Variants in RPH3AL observed in about 807,000 individuals in gnomAD.
RPH3AL encodes the protein rabphilin 3A like (without C2 domains).
A neutral mutation model predicts 43.1 loss-of-function variants in RPH3AL; 38 were observed. That is an observed-to-expected ratio of 0.88 (90% CI 0.68 to 1.15). RPH3AL has a LOEUF of 1.15. RPH3AL is among the 50% of genes most tolerant of loss of function. The pLI is 0.00. For missense variants in RPH3AL, 462 were observed against 423.2 expected (o/e 1.09, Z -0.81); for synonymous variants, 189 against 176.3 (o/e 1.07, Z -0.57).
chr17:286,001 G>A (rs1221457132), intron 5 of RPH3AL, among the ~76,000 whole-genome samples: 1 of 152,204 alleles, frequency 6.6e-6, no homozygotes, highest in East Asian at 1.9e-4. Context: ...GCCCCACTGT[G>A]CACCCCGGGA....
chr17:317,120 C>G, intron 5 of RPH3AL, among the ~76,000 whole-genome samples: 1 of 146,028 alleles, frequency 6.8e-6, no homozygotes, highest in African/African-American at 2.7e-5. Context: ...TGTGACTCCA[C>G]CTCCACTGAC....
At chr17:233,923 C>A (rs2041294655) in intron 7 of RPH3AL, among the ~76,000 whole-genome samples, 1 of 114,860 alleles carries the variant, frequency 8.7e-6, no homozygotes, top group Non-Finnish European at 1.8e-5. Flanking sequence ...TTACCCTGAC[C>A]AACTTCCCTG....
intron 7 of RPH3AL, among the ~76,000 whole-genome samples, chr17:228,512 G>A (rs981729181): frequency 2.0e-5 from 3 of 152,184 alleles, no homozygotes; most frequent in African/African-American, 4.8e-5. Context: ...TGGAACTCAC[G>A]GGCCCACACC....
At chr17:278,049 T>C (rs2042695383) in intron 6 of RPH3AL, among the ~76,000 whole-genome samples, 1 of 152,124 alleles carries the variant, frequency 6.6e-6, no homozygotes, top group Non-Finnish European at 1.5e-5. Flanking sequence ...ATCGTAACTC[T>C]GATGATACAG....
Position 243,537 on chromosome 17 carries a change from T to C in RPH3AL, c.613+3574A>G, listed in dbSNP as rs868655516. Among the ~76,000 whole-genome samples the C allele has an allele frequency of 1.1e-3, 156 of 138,294 alleles. 1 individual carries two copies. Among genetic ancestry groups the C allele is most frequent in the South Asian group, 2.1e-3 (9 of 4,262 alleles). 90.7% of individuals were successfully genotyped at this position (138,294 alleles called of 152,430 possible). ...TCCTCTATTGATTACCTTTCCTCTA[T>C]TGATTACCTTCCTCTACTGATTGCC... On this transcript the variant is annotated intron_variant, in intron 7 of 9. Transcript: ENST00000331302.
At chr17:335,010 T>C (rs550872931) in intron 1 of RPH3AL, among the ~76,000 whole-genome samples, 5 of 152,330 alleles carry the variant, frequency 3.3e-5, no homozygotes, top group Non-Finnish European at 5.9e-5. Flanking sequence ...TTCACTGATA[T>C]AACTGAGGCT....
Position 245,374 on chromosome 17 carries a change from T to G in RPH3AL, c.613+1737A>C, listed in dbSNP as rs888670138. On this transcript the variant is annotated intron_variant, in intron 7 of 9. Coordinates refer to ENST00000331302, the MANE Select transcript of RPH3AL (RefSeq NM_006987.4). This position sits in a 1 kb window ranked among gnomAD's most constrained non-coding sequence, Gnocchi z 5.9. ...GTATGTGGATGTCAGTGTGTGTGTG[T>G]GGATGTCAGTGTGTGTGTGGATATC... is the stretch of plus-strand genomic sequence containing the variant. Among the ~76,000 whole-genome samples, 1 of 150,256 alleles carries G rather than the reference T, an allele frequency of 6.7e-6. No homozygotes were observed. Among genetic ancestry groups the G allele is most frequent in the South Asian group, 2.2e-4 (1 of 4,536 alleles).
intron 5 of RPH3AL, among the ~76,000 whole-genome samples, chr17:316,280 ATG>A (rs2044174112): frequency 1.7e-5 from 1 of 58,992 alleles, no homozygotes; most frequent in East Asian, 1.1e-3. Flanking sequence ...ATCTCCAGTG[ATG>A]CGTAGTCTCT....
chr17:318,808 CA>C (rs1167106244), intron 5 of RPH3AL, among the ~76,000 whole-genome samples: 1 of 152,188 alleles, frequency 6.6e-6, no homozygotes, highest in African/African-American at 2.4e-5. Flanking sequence ...GATCTCCCTG[CA>C]AAGATCATTC....
chr17:223,935 C>A (rs1211795755), intron 7 of RPH3AL, among the ~76,000 whole-genome samples: 1 of 150,980 alleles, frequency 6.6e-6, no homozygotes, highest in East Asian at 1.9e-4. Context: ...TAGGTTCACC[C>A]CCAGCAGAGA....
At chr17:220,216 T>C (rs1388056456) in intron 7 of RPH3AL, among the ~76,000 whole-genome samples, 126 of 108,280 alleles carry the variant, frequency 1.2e-3, no homozygotes, top group Non-Finnish European at 1.6e-3. Flanking sequence ...ACTGAGACAA[T>C]AGACCCAAAA....
intron 1 of RPH3AL, among the ~76,000 whole-genome samples, chr17:335,174 C>T (rs1206703803): frequency 6.6e-6 from 1 of 152,156 alleles, no homozygotes; most frequent in Non-Finnish European, 1.5e-5. Context: ...ACTGTGACCC[C>T]CGAGCGACTG....
At chr17:285,454 C>T (rs954880953) in intron 5 of RPH3AL, among the ~76,000 whole-genome samples, 4 of 152,188 alleles carry the variant, frequency 2.6e-5, no homozygotes, top group South Asian at 2.1e-4. Context: ...CACGTAATAG[C>T]GACTCGATAA....
At chr17:338,046 C>T (rs1331740310) in intron 1 of RPH3AL, among the ~76,000 whole-genome samples, 2 of 152,206 alleles carry the variant, frequency 1.3e-5, no homozygotes, top group Non-Finnish European at 2.9e-5. Context: ...CAGATTTTAA[C>T]AGCCACAGCT....
rs544366448 is a variant in RPH3AL, at chr17:273,827, A to C, written c.438+7941T>G. ...ATCAGGATGTGGCGGGAAATTGAGGAGGCAAAGCCAATGCTGAACAGAGAA... is the reference window on the plus strand; with the variant it reads ...ATCAGGATGTGGCGGGAAATTGAGGCGGCAAAGCCAATGCTGAACAGAGAA... On this transcript the variant is annotated intron_variant, in intron 6 of 9. Transcript: ENST00000331302. Among the ~76,000 whole-genome samples, 9 of 152,304 alleles carry C rather than the reference A, an allele frequency of 5.9e-5. No homozygotes were observed. In the South Asian group the frequency reaches 1.9e-3, roughly 32 times the overall value.
At position 213,930 on chromosome 17, in the gene RPH3AL, A is replaced by G. The variant is rs1206649560; in HGVS notation, c.877-7T>C. The G allele has an allele frequency of 6.2e-7, 1 of 1,610,888 alleles. No individual in the cohort carries two copies. Among genetic ancestry groups the G allele is most frequent in the African/African-American group, 1.3e-5 (1 of 74,902 alleles). Reference sequence around the variant, plus strand: ...GTCCAGGTGTGTCTTTTACCTTTGGATGAGAGAAAAGGCCACCACATGGTG... The same window carrying G: ...GTCCAGGTGTGTCTTTTACCTTTGGGTGAGAGAAAAGGCCACCACATGGTG... On this transcript the variant is annotated splice_polypyrimidine_tract_variant and splice_region_variant and intron_variant, in intron 9 of 9. Transcript: ENST00000331302.
intron 8 of RPH3AL, among the ~76,000 whole-genome samples, chr17:216,965 G>A (rs1212419712): frequency 1.3e-5 from 2 of 152,088 alleles, no homozygotes; most frequent in African/African-American, 4.8e-5. Context: ...GGACCCCCAA[G>A]GCATTTCACT....
chr17:242,609 C>CCCTTCCTCTATTGATTA (rs1567576581), intron 7 of RPH3AL, among the ~76,000 whole-genome samples: 4 of 80,470 alleles, frequency 5.0e-5, no homozygotes, highest in South Asian at 4.9e-4. Context: ...CTATTGATTA[C>CCCTTCCTCTATTGATTA]CCTTCCTCTA....
intron 5 of RPH3AL, among the ~76,000 whole-genome samples, chr17:307,234 CA>C (rs2043516843): frequency 5.9e-5 from 3 of 50,744 alleles, no homozygotes; most frequent in Admixed American, 4.4e-4. Context: ...AGGTCCATCC[CA>C]CGGCAGGTCC....
Sources: gnomAD v4.1 joint callset for allele counts (sites outside exome capture counted in the v4.1 genomes callset) on GRCh38, gnomAD v4.1.1 for gene constraint, Gnocchi (gnomAD v3.1) non-coding constraint, MANE v1.5 for transcripts, NCBI Gene and HGNC (gene_info 2026-07-23, HGNC 2026-07-21) for gene names.